FAF1: variants seen among roughly 807,000 people sequenced by gnomAD.
The protein encoded by FAF1 is Fas associated factor 1, also known as FAS-associated factor 1.
Under a neutral mutation model 92.5 loss-of-function variants are expected in FAF1, and 25 were observed. The observed-to-expected ratio is 0.27, with a 90% CI of 0.20 to 0.38. The LOEUF is 0.38. Among genes scored for constraint, FAF1 ranks in the 10% least tolerant of loss-of-function variants. The probability of loss-of-function intolerance (pLI) is 1.00; values close to 1 mark genes in which losing one functional copy is unlikely to be tolerated. For missense variants in FAF1, 636 were observed against 793.3 expected (o/e 0.80, Z 2.38); for synonymous variants, 234 against 273.2 (o/e 0.86, Z 1.42).
chr1:50,448,925 C>T (rs929250797), intron 18 of FAF1, among the ~76,000 whole-genome samples: 3 of 143,386 alleles, frequency 2.1e-5, no homozygotes, highest in African/African-American at 5.2e-5. Flanking sequence ...TAACATGATA[C>T]GAGGGTCACA....
At chr1:50,489,105 G>A (rs922776614) in intron 17 of FAF1, among the ~76,000 whole-genome samples, 1 of 152,054 alleles carries the variant, frequency 6.6e-6, no homozygotes, top group East Asian at 1.9e-4. Flanking sequence ...AACTCTCTAA[G>A]TATTTTGCTT....
chr1:50,458,073 C>T (rs1324087468), intron 18 of FAF1, among the ~76,000 whole-genome samples: 1 of 151,628 alleles, frequency 6.6e-6, no homozygotes, highest in Non-Finnish European at 1.5e-5. Context: ...ATTAGCCAGG[C>T]ATGGTGGTGC....
At chr1:50,911,388 T>G (rs963410388) in intron 1 of FAF1, among the ~76,000 whole-genome samples, 4 of 151,310 alleles carry the variant, frequency 2.6e-5, no homozygotes, top group Middle Eastern at 3.2e-3. Context: ...ATTATTATCT[T>G]GTTTTCTTGA....
intron 1 of FAF1, among the ~76,000 whole-genome samples, chr1:50,892,402 G>A (rs1430100782): frequency 6.6e-6 from 1 of 152,186 alleles, no homozygotes; most frequent in Non-Finnish European, 1.5e-5. Flanking sequence ...TACCTCAGTT[G>A]GAAATGCAGA....
At chr1:50,633,060 T>C (rs565605930) in intron 8 of FAF1, among the ~76,000 whole-genome samples, 1 of 152,172 alleles carries the variant, frequency 6.6e-6, no homozygotes, top group African/African-American at 2.4e-5. Context: ...ACCAAGAAAA[T>C]GTTAAAATAA....
intron 1 of FAF1, among the ~76,000 whole-genome samples, chr1:50,907,837 A>AT (rs1018604942): frequency 3.3e-5 from 5 of 151,648 alleles, no homozygotes; most frequent in African/African-American, 1.2e-4. Flanking sequence ...GGATTCATTG[A>AT]TTTTTTTGAA....
chr1:50,548,176 C>T (rs965681535), intron 13 of FAF1, among the ~76,000 whole-genome samples: 4 of 152,032 alleles, frequency 2.6e-5, no homozygotes, highest in Non-Finnish European at 4.4e-5. Flanking sequence ...AAATATATGA[C>T]GAGATAAGAC....
chr1:50,897,638 T>G (rs1462226437), intron 1 of FAF1, among the ~76,000 whole-genome samples: 1 of 152,198 alleles, frequency 6.6e-6, no homozygotes, highest in Non-Finnish European at 1.5e-5. Context: ...CCTAAAAACA[T>G]TTCTAATTTT....
intron 1 of FAF1, among the ~76,000 whole-genome samples, chr1:50,864,713 G>A (rs532003512): frequency 1.8e-4 from 27 of 152,112 alleles, no homozygotes; most frequent in Admixed American, 9.8e-4. Flanking sequence ...AGACTTAAAC[G>A]TTAGATCTAA....
intron 6 of FAF1, among the ~76,000 whole-genome samples, chr1:50,716,355 C>T (rs2124444551): frequency 6.6e-6 from 1 of 152,256 alleles, no homozygotes. Context: ...CCTATTAATA[C>T]ATTAATAGTA....
At chr1:50,810,049 A>C (rs978893572) in intron 2 of FAF1, among the ~76,000 whole-genome samples, 7 of 152,204 alleles carry the variant, frequency 4.6e-5, no homozygotes, top group Admixed American at 3.9e-4. Context: ...TGAGGTCAGC[A>C]GTTCGAGACC....
intron 16 of FAF1, among the ~76,000 whole-genome samples, chr1:50,490,941 T>G (rs1398196095): frequency 1.3e-5 from 2 of 152,186 alleles, no homozygotes; most frequent in Non-Finnish European, 2.9e-5. Flanking sequence ...TCAAGATCCT[T>G]CAGGACATCC....
chr1:50,869,498 T>A (rs1283973469), intron 1 of FAF1, among the ~76,000 whole-genome samples: 2 of 152,198 alleles, frequency 1.3e-5, no homozygotes, highest in Admixed American at 1.3e-4. Context: ...TTGCATGTTT[T>A]AGTAAATCTA....
chr1:50,781,456 A>G (rs1194150741), intron 4 of FAF1, among the ~76,000 whole-genome samples: 1 of 152,244 alleles, frequency 6.6e-6, no homozygotes, highest in East Asian at 1.9e-4. Context: ...CACCAGGAAG[A>G]TATCCATAAA....
Position 50,584,811 on chromosome 1 carries a change from G to A in FAF1, c.841C>T (p.Gln281Ter). The A allele has an allele frequency of 6.2e-7, 1 of 1,612,340 alleles. No homozygotes were observed. Among genetic ancestry groups the A allele is most frequent in the Non-Finnish European group, 8.5e-7 (1 of 1,179,016 alleles). Residue 281 changes from glutamine (Q) to a stop codon, truncating the protein, a stop_gained and splice_region_variant, in exon 10 of 19, where the codon CAA becomes TAA. Transcript: ENST00000396153. LOFTEE classifies it high-confidence loss of function. ...PAQTREQSEEQITDVHMVSDS... is the reference protein window; with the variant it reads ...PAQTREQSEE ...CTAACCATATGAACATCGGTGATTT[G>A]CTATTTAAGGAAAGTCCTGATTAGT... is the stretch of plus-strand genomic sequence containing the variant.
intron 7 of FAF1, among the ~76,000 whole-genome samples, chr1:50,680,936 A>G (rs987768510): frequency 2.0e-5 from 3 of 152,170 alleles, no homozygotes; most frequent in Admixed American, 6.5e-5. Flanking sequence ...TTAAAAGTAG[A>G]GTCAACAGAA....
chr1:50,686,972 G>A (rs1156549576), intron 7 of FAF1, among the ~76,000 whole-genome samples: 1 of 152,142 alleles, frequency 6.6e-6, no homozygotes, highest in Non-Finnish European at 1.5e-5. Flanking sequence ...AGGATTACAG[G>A]CGCATGCCAC....
intron 7 of FAF1, among the ~76,000 whole-genome samples, chr1:50,682,079 C>T (rs962889522): frequency 6.6e-6 from 1 of 151,898 alleles, no homozygotes; most frequent in Non-Finnish European, 1.5e-5. Flanking sequence ...AAGCAATCCA[C>T]CCACTTTGGC....
At chr1:50,782,388 T>C (rs1316823444) in intron 4 of FAF1, among the ~76,000 whole-genome samples, 1 of 152,198 alleles carries the variant, frequency 6.6e-6, no homozygotes, top group Non-Finnish European at 1.5e-5. Context: ...GTTCGTGTCT[T>C]AGTTTTTAAC....
Sources: gnomAD v4.1 joint callset for allele counts (sites outside exome capture counted in the v4.1 genomes callset) on GRCh38, gnomAD v4.1.1 for gene constraint, MANE v1.5 for transcripts, NCBI Gene and HGNC (gene_info 2026-07-23, HGNC 2026-07-21) for gene names.